DPP10: variants seen among roughly 807,000 people sequenced by gnomAD.
DPP10 encodes the protein dipeptidyl peptidase like 10, also known as inactive dipeptidyl peptidase 10.
In DPP10, 33 loss-of-function variants were observed where a neutral mutation model predicts 120.9. That is an observed-to-expected ratio of 0.27 (90% CI 0.21 to 0.37). The LOEUF is 0.37. Among genes scored for constraint, DPP10 ranks in the 10% least tolerant of loss-of-function variants. DPP10 has a pLI of 1.00. For missense variants in DPP10, 816 were observed against 942.8 expected (o/e 0.87, Z 1.76); for synonymous variants, 337 against 326.1 (o/e 1.03, Z -0.36).
intron 1 of DPP10, among the ~76,000 whole-genome samples, chr2:115,280,094 T>C (rs1270898484): frequency 6.6e-6 from 1 of 152,168 alleles, no homozygotes; most frequent in Non-Finnish European, 1.5e-5. Flanking sequence ...AGATTCTGAA[T>C]TTGGACTTGT....
rs184141621 is a variant in DPP10, at chr2:115,697,018, G to C, written c.576+7097G>C. 1.8e-4 allele frequency among the ~76,000 whole-genome samples: 27 copies of C among 151,978 alleles called. 2 individuals carry two copies. Among genetic ancestry groups the C allele is most frequent in the African/African-American group, 6.3e-4 (26 of 41,448 alleles). On this transcript the variant is annotated intron_variant, in intron 7 of 25. Coordinates refer to ENST00000410059, the MANE Select transcript of DPP10 (RefSeq NM_020868.6). ...GTTAAGCTTGTATAAATTCAAATCA[G>C]CACTATAACTTTATGATGTTGCATG...
At chr2:115,410,525 C>G (rs762673465) in intron 3 of DPP10, among the ~76,000 whole-genome samples, 1 of 152,168 alleles carries the variant, frequency 6.6e-6, no homozygotes, top group East Asian at 1.9e-4. Flanking sequence ...GGATGTTGGG[C>G]TGAATACCTA....
intron 1 of DPP10, among the ~76,000 whole-genome samples, chr2:114,741,990 A>G (rs941940741): frequency 1.7e-4 from 26 of 152,318 alleles, no homozygotes; most frequent in African/African-American, 5.5e-4. Context: ...TAACACCACA[A>G]GGAGTCAACA....
Position 115,712,540 on chromosome 2 carries a change from T to TTTTA in DPP10, c.577-15275_577-15274insTTAT, listed in dbSNP as rs778592374. Among the ~76,000 whole-genome samples the TTTTA allele has an allele frequency of 3.3e-4, 6 of 18,076 alleles. 1 individual carries two copies. In the East Asian group the frequency reaches 0.011, roughly 32 times the overall value. 11.9% of individuals were successfully genotyped at this position (18,076 alleles called of 152,430 possible). A position where few individuals can be genotyped will look rare whatever the true frequency, so the allele number is the denominator to read the frequency against. Reference sequence around the variant, plus strand: ...AGAAATAGCTTTGAAGAGTCCTGAATTAAATATATATATATATATATATAT... The same window carrying TTTTA: ...AGAAATAGCTTTGAAGAGTCCTGAATTTTATAAATATATATATATATATATATAT... On this transcript the variant is annotated intron_variant, in intron 7 of 25. Coordinates refer to ENST00000410059, the MANE Select transcript of DPP10 (RefSeq NM_020868.6).
At chr2:114,482,619 A>G (rs1249640147) in intron 1 of DPP10, among the ~76,000 whole-genome samples, 1 of 152,174 alleles carries the variant, frequency 6.6e-6, no homozygotes, top group African/African-American at 2.4e-5. Context: ...AGATAAAAGT[A>G]TGTCAAGAAA....
At chr2:114,873,489 C>T (rs1690871220) in intron 1 of DPP10, among the ~76,000 whole-genome samples, 1 of 152,126 alleles carries the variant, frequency 6.6e-6, no homozygotes, top group Admixed American at 6.5e-5. Context: ...AGCTGCACAA[C>T]TATTCAAGTC....
intron 1 of DPP10, among the ~76,000 whole-genome samples, chr2:114,714,513 T>C (rs13010772): frequency 1.3e-5 from 2 of 152,110 alleles, no homozygotes; most frequent in Non-Finnish European, 2.9e-5. Flanking sequence ...GTCACACTGA[T>C]GGCTCTAAAC....
chr2:115,762,519 A>C (rs373361238), intron 11 of DPP10, 53 bp from the exon 12 acceptor site: 8 of 1,602,184 alleles, frequency 5.0e-6, no homozygotes, highest in Admixed American at 3.3e-5. Flanking sequence ...TTAAATTTAT[A>C]TATGCTCATT....
chr2:115,083,204 C>T (rs1466662605), intron 1 of DPP10, among the ~76,000 whole-genome samples: 1 of 152,054 alleles, frequency 6.6e-6, no homozygotes, highest in African/African-American at 2.4e-5. Context: ...CTTATGTTTC[C>T]ATCCACAAAC....
chr2:115,836,152 C>T lies in DPP10; in HGVS notation c.1951-5C>T, dbSNP rs1160845251. 6 of 1,544,332 alleles carry T rather than the reference C, an allele frequency of 3.9e-6. No individual in the cohort carries two copies. Among genetic ancestry groups the T allele is most frequent in the Middle Eastern group, 1.7e-4 (1 of 5,760 alleles). On this transcript the variant is annotated splice_polypyrimidine_tract_variant and splice_region_variant and intron_variant, in intron 21 of 25. Coordinates refer to ENST00000410059, the MANE Select transcript of DPP10 (RefSeq NM_020868.6). ...TATATATATATATATATTTTTCCCC[C>T]CCAGGGTTATGGTGGCTATATTGCA...
intron 1 of DPP10, among the ~76,000 whole-genome samples, chr2:114,939,642 A>T (rs1696750127): frequency 6.6e-6 from 1 of 152,124 alleles, no homozygotes; most frequent in Admixed American, 6.5e-5. Flanking sequence ...AATTGATATC[A>T]CCAATATTTA....
At chr2:114,904,766 G>T (rs1264348817) in intron 1 of DPP10, among the ~76,000 whole-genome samples, 6 of 152,126 alleles carry the variant, frequency 3.9e-5, no homozygotes, top group Non-Finnish European at 7.3e-5. Flanking sequence ...GAACAATTTG[G>T]CTGCAAATGT....
At chr2:114,632,956 C>A (rs1459468587) in intron 1 of DPP10, among the ~76,000 whole-genome samples, 1 of 152,058 alleles carries the variant, frequency 6.6e-6, no homozygotes, top group Non-Finnish European at 1.5e-5. Context: ...AATACTTGCT[C>A]TCTCACTTAT....
In DPP10 at chr2:114,972,343, C is replaced by T. The variant is rs1039986838; in HGVS notation, c.61-336896C>T. ...TGCAAACTGATGGAGATTGAAGATCCGTGGCCTCAGTGGTTTATAATTGCA... is the reference window on the plus strand; with the variant it reads ...TGCAAACTGATGGAGATTGAAGATCTGTGGCCTCAGTGGTTTATAATTGCA... On this transcript the variant is annotated intron_variant, in intron 1 of 25. Coordinates refer to ENST00000410059, the MANE Select transcript of DPP10 (RefSeq NM_020868.6). Among the ~76,000 whole-genome samples the T allele has an allele frequency of 5.9e-5, 9 of 152,226 alleles. No individual in the cohort carries two copies. The South Asian group carries it at 8.3e-4, about 14-fold the overall frequency.
intron 5 of DPP10, among the ~76,000 whole-genome samples, chr2:115,527,959 T>TA (rs910290762): frequency 1.3e-5 from 2 of 152,172 alleles, no homozygotes; most frequent in African/African-American, 4.8e-5. Flanking sequence ...GATAGTTTTT[T>TA]AAAAAACTAA....
At chr2:115,223,260 A>G (rs2057266610) in intron 1 of DPP10, among the ~76,000 whole-genome samples, 3 of 152,088 alleles carry the variant, frequency 2.0e-5, no homozygotes, top group Admixed American at 2.0e-4. Context: ...AAGGATGTCT[A>G]TTTTGTTTTT....
chr2:114,816,994 A>C (rs527375100), intron 1 of DPP10, among the ~76,000 whole-genome samples: 2 of 152,242 alleles, frequency 1.3e-5, no homozygotes, highest in Non-Finnish European at 2.9e-5. Flanking sequence ...TTCTGGCTAT[A>C]AAACAAGCAT....
At chr2:114,914,883 G>A (rs967487313) in intron 1 of DPP10, among the ~76,000 whole-genome samples, 2 of 152,192 alleles carry the variant, frequency 1.3e-5, no homozygotes, top group Non-Finnish European at 1.5e-5. Context: ...TGTAATCCCA[G>A]CACTTTGGGA....
At chr2:115,807,507 CTG>C (rs1254379237) in intron 19 of DPP10, among the ~76,000 whole-genome samples, 2 of 152,126 alleles carry the variant, frequency 1.3e-5, no homozygotes, top group Non-Finnish European at 1.5e-5. Context: ...CAACTGGACT[CTG>C]TTTTTTCTTC....
Sources: allele counts gnomAD v4.1 joint callset (sites outside exome capture counted in the v4.1 genomes callset), GRCh38; gene constraint gnomAD v4.1.1; transcripts MANE v1.5; gene names NCBI Gene and HGNC (gene_info 2026-07-23, HGNC 2026-07-21).